Variants in LCA5 observed in about 807,000 individuals in gnomAD.
The protein encoded by LCA5 is lebercilin.
LCA5 carries 37 observed loss-of-function variants against 53.0 expected under a neutral mutation model. The observed-to-expected ratio is 0.70, with a 90% CI of 0.54 to 0.92. The LOEUF (loss-of-function observed/expected upper bound fraction) is 0.92. Among genes scored for constraint, LCA5 ranks in the 40% least tolerant of loss-of-function variants. The pLI is 0.00. For missense variants in LCA5, 806 were observed against 790.5 expected (o/e 1.02, Z -0.23); for synonymous variants, 303 against 282.9 (o/e 1.07, Z -0.71).
At chr6:79,491,883 T>A (rs564045854) in intron 5 of LCA5, among the ~76,000 whole-genome samples, 153 bp from the exon 6 acceptor site, 2 of 152,158 alleles carry the variant, frequency 1.3e-5, no homozygotes, top group South Asian at 4.1e-4. Flanking sequence ...ATATATATAT[T>A]CACCTATATA....
chr6:79,506,893 A>G lies in LCA5; in HGVS notation c.720+6319T>C, dbSNP rs75299830. ...TGAACCAGTATTTTCCAAATGACCAATGTGTGATGTAAAACATCCATTGAA... is the reference window on the plus strand; with the variant it reads ...TGAACCAGTATTTTCCAAATGACCAGTGTGTGATGTAAAACATCCATTGAA... On this transcript the variant is annotated intron_variant, in intron 3 of 7. Coordinates refer to ENST00000369846, the MANE Select transcript of LCA5 (RefSeq NM_001122769.3). Among the ~76,000 whole-genome samples the G allele has an allele frequency of 2.5e-3, 376 of 152,342 alleles. 1 individual carries two copies. The highest frequency in any genetic ancestry group is 0.016 in the East Asian group (83 of 5,174).
At chr6:79,517,573 T>TAAC (rs947062379) in intron 2 of LCA5, among the ~76,000 whole-genome samples, 3 of 151,408 alleles carry the variant, frequency 2.0e-5, no homozygotes, top group African/African-American at 4.9e-5. Context: ...GAGACCAAAA[T>TAAC]AACAACAACA....
intron 3 of LCA5, among the ~76,000 whole-genome samples, chr6:79,494,351 T>C (rs904616728): frequency 4.6e-5 from 7 of 152,088 alleles, no homozygotes; most frequent in African/African-American, 1.2e-4. Flanking sequence ...CATCTCTAGA[T>C]AAAAACAATA....
chr6:79,506,056 G>A (rs1021827282), intron 3 of LCA5, among the ~76,000 whole-genome samples: 3 of 152,080 alleles, frequency 2.0e-5, no homozygotes, highest in Non-Finnish European at 2.9e-5. Context: ...AGGGTCAAGA[G>A]AATTTGAATA....
At chr6:79,500,486 G>A (rs1190448311) in intron 3 of LCA5, among the ~76,000 whole-genome samples, 1 of 152,136 alleles carries the variant, frequency 6.6e-6, no homozygotes, top group Non-Finnish European at 1.5e-5. Flanking sequence ...AATGTCAGCT[G>A]TTTTAACATC....
chr6:79,518,253 T>C (rs987959242), intron 2 of LCA5, among the ~76,000 whole-genome samples: 11 of 152,166 alleles, frequency 7.2e-5, no homozygotes, highest in Non-Finnish European at 1.3e-4. Flanking sequence ...TAGGTTTAAT[T>C]TGAATTTTTA....
intron 1 of LCA5, among the ~76,000 whole-genome samples, chr6:79,525,900 A>G (rs1766772428): frequency 6.6e-6 from 1 of 152,190 alleles, no homozygotes; most frequent in South Asian, 2.1e-4. Flanking sequence ...ACCTTTAATA[A>G]AAGAACTAAT....
rs1191859457 is a variant in LCA5, at chr6:79,519,076, C to CT, written c.-183dup. 1.0e-5 allele frequency: 7 copies of CT among 681,146 alleles called. No homozygotes were observed. The African/African-American group carries it at 1.3e-4, about 12-fold the overall frequency. 42.2% of individuals were successfully genotyped at this position (681,146 alleles called of 1,614,324 possible). Reference sequence around the variant, plus strand: ...TTCACATTGGCATCCAGAAGATAAACTTTTTTGCCCTGAAATTAAGGAAGG... The same window carrying CT: ...TTCACATTGGCATCCAGAAGATAAACTTTTTTTGCCCTGAAATTAAGGAAGG... On this transcript the variant is annotated 5_prime_UTR_variant, in exon 2 of 8. Transcript: ENST00000369846.
At chr6:79,491,522 C>A (rs1769841120) in intron 6 of LCA5, 66 bp downstream of exon 6, 1 of 1,536,340 alleles carries the variant, frequency 6.5e-7, no homozygotes, top group South Asian at 1.1e-5. Flanking sequence ...TTTAAAATGT[C>A]TGATATTGTG....
intron 3 of LCA5, among the ~76,000 whole-genome samples, chr6:79,495,375 T>C (rs111447445): frequency 2.5e-4 from 38 of 152,048 alleles, no homozygotes; most frequent in African/African-American, 8.9e-4. Context: ...TCTGTGTCTG[T>C]AGGGGATTGG....
intron 1 of LCA5, among the ~76,000 whole-genome samples, chr6:79,533,742 T>C (rs1027049814): frequency 1.3e-5 from 2 of 151,772 alleles, no homozygotes; most frequent in African/African-American, 2.4e-5. Flanking sequence ...GTCCATTGTA[T>C]ATAAATATCA....
At chr6:79,527,129 C>G (rs1766815158) in intron 1 of LCA5, among the ~76,000 whole-genome samples, 1 of 152,122 alleles carries the variant, frequency 6.6e-6, no homozygotes, top group Non-Finnish European at 1.5e-5. Flanking sequence ...CTCAAGTGCT[C>G]CTAACCACTG....
intron 3 of LCA5, among the ~76,000 whole-genome samples, chr6:79,498,494 T>C (rs1770043952): frequency 6.6e-6 from 1 of 152,092 alleles, no homozygotes; most frequent in South Asian, 2.1e-4. Flanking sequence ...ATAATAACTG[T>C]CAACCTGGAA....
At position 79,487,084 on chromosome 6, in the gene LCA5, A is replaced by G; in HGVS notation, c.2014T>C (p.Leu672=). 1 of 1,613,942 alleles carries G rather than the reference A, an allele frequency of 6.2e-7. No homozygotes were observed. Residue 672 remains leucine (L), a synonymous_variant, in exon 8 of 8, where the codon TTA becomes CTA. Coordinates refer to ENST00000369846, the MANE Select transcript of LCA5 (RefSeq NM_001122769.3). ...GRSFNPNRHR[L]KHADDKPAVK... Reference sequence around the variant, plus strand: ...GCTGGTTTATCGTCTGCATGTTTTAATCGGTGCCTATTTGGATTAAAACTT... The same window carrying G: ...GCTGGTTTATCGTCTGCATGTTTTAGTCGGTGCCTATTTGGATTAAAACTT...
chr6:79,509,989 A>G (rs545318295), intron 3 of LCA5, among the ~76,000 whole-genome samples: 1 of 152,322 alleles, frequency 6.6e-6, no homozygotes, highest in African/African-American at 2.4e-5. Context: ...GTAGATGTAG[A>G]CAAGCTTATT....
chr6:79,488,979 A>C, intron 7 of LCA5, 105 bp downstream of exon 7: 1 of 1,290,410 alleles, frequency 7.7e-7, no homozygotes, highest in Non-Finnish European at 1.1e-6. Context: ...TCTTTGTTCT[A>C]CCTAAGCAAT....
intron 1 of LCA5, among the ~76,000 whole-genome samples, chr6:79,524,293 T>C (rs7774418): frequency 0.18 from 27,166 of 152,168 alleles, 2,464 homozygotes; most frequent in East Asian, 0.22. Flanking sequence ...TTAGTTTCCA[T>C]CATCATTTTA....
At chr6:79,510,319 C>T (rs955710944) in intron 3 of LCA5, among the ~76,000 whole-genome samples, 2 of 152,124 alleles carry the variant, frequency 1.3e-5, no homozygotes, top group Non-Finnish European at 2.9e-5. Context: ...AATAAAGAAC[C>T]TCAACCTAAA....
At chr6:79,534,083 TC>T (rs1651356005) in intron 1 of LCA5, among the ~76,000 whole-genome samples, 1 of 148,816 alleles carries the variant, frequency 6.7e-6, no homozygotes, top group Non-Finnish European at 1.5e-5. Flanking sequence ...CTGCTCCTCT[TC>T]CACAAAGGAG....
Sources: gnomAD v4.1 joint callset for allele counts (sites outside exome capture counted in the v4.1 genomes callset) on GRCh38, gnomAD v4.1.1 for gene constraint, MANE v1.5 for transcripts, NCBI Gene and HGNC (gene_info 2026-07-23, HGNC 2026-07-21) for gene names.